Variants in TMCO5A observed in about 807,000 individuals in gnomAD.
TMCO5A encodes the protein transmembrane and coiled-coil domains 5A, also known as transmembrane and coiled-coil domain-containing protein 5A.
A neutral mutation model predicts 42.3 loss-of-function variants in TMCO5A; 34 were observed. The observed-to-expected ratio is 0.80, with a 90% confidence interval of 0.61 to 1.07. TMCO5A has a LOEUF of 1.07. TMCO5A is among the 50% of genes least tolerant of loss of function. TMCO5A has a pLI of 0.00. For synonymous variants in TMCO5A, 131 were observed against 115.6 expected (o/e 1.13, Z -0.86); for missense variants, 357 against 327.9 (o/e 1.09, Z -0.69).
chr15:38,036,414 C>T, the TMCO5A span, among the ~76,000 whole-genome samples: 1 of 151,938 alleles, frequency 6.6e-6, no homozygotes, highest in East Asian at 1.9e-4. Flanking sequence ...CAGCCTACAA[C>T]ATCCTTCTCT....
chr15:37,967,047 T>TA (rs1381494114), exon 12 of TMCO5A: 2 of 190,640 alleles, frequency 1.0e-5, no homozygotes, highest in Non-Finnish European at 2.2e-5. Flanking sequence ...TTATAACTTC[T>TA]AAAGATAGTA....
At chr15:37,982,942 T>C in the TMCO5A span, among the ~76,000 whole-genome samples, 66 of 152,010 alleles carry the variant, frequency 4.3e-4, no homozygotes, top group African/African-American at 1.5e-3. Context: ...TTTCTATTCA[T>C]AGTCCTCTCT....
chr15:38,018,876 G>A, the TMCO5A span, among the ~76,000 whole-genome samples: 22 of 151,762 alleles, frequency 1.4e-4, no homozygotes, highest in African/African-American at 5.1e-4. Flanking sequence ...AAATTAGATG[G>A]GCATGGAACT....
At chr15:37,938,307 A>C in intron 6 of TMCO5A, 78 bp downstream of exon 6, 3 of 1,241,852 alleles carry the variant, frequency 2.4e-6, no homozygotes, top group Non-Finnish European at 3.4e-6. Flanking sequence ...AATCAATGTC[A>C]ACGTTGTGAC....
At chr15:37,993,139 TTC>T in the TMCO5A span, among the ~76,000 whole-genome samples, 1 of 152,186 alleles carries the variant, frequency 6.6e-6, no homozygotes, top group Non-Finnish European at 1.5e-5. Flanking sequence ...TGTTTACTTT[TTC>T]TAGATCTTTT....
chr15:37,954,085 G>GA (rs1295566314), downstream of TMCO5A, among the ~76,000 whole-genome samples: 6 of 151,992 alleles, frequency 3.9e-5, no homozygotes, highest in South Asian at 8.3e-4. Context: ...AACCTCAAAA[G>GA]AAAAAATCTA....
chr15:37,950,605 T>C (rs1339548783), intron 11 of TMCO5A, among the ~76,000 whole-genome samples: 1 of 152,124 alleles, frequency 6.6e-6, no homozygotes, highest in Admixed American at 6.6e-5. Context: ...AAATGCATAT[T>C]GAAGCCATAA....
chr15:38,008,178 A>T, the TMCO5A span, among the ~76,000 whole-genome samples: 1 of 151,400 alleles, frequency 6.6e-6, no homozygotes, highest in African/African-American at 2.4e-5. Context: ...TACAGGCGTG[A>T]GCCACCGTGC....
downstream of TMCO5A, among the ~76,000 whole-genome samples, chr15:37,971,622 T>C (rs554744562): frequency 1.3e-5 from 2 of 152,350 alleles, no homozygotes; most frequent in Non-Finnish European, 2.9e-5. Context: ...TGTTTCCCTT[T>C]TAAAACAATG....
intron 11 of TMCO5A, among the ~76,000 whole-genome samples, chr15:37,950,572 G>T (rs1890122929): frequency 6.6e-6 from 1 of 152,094 alleles, no homozygotes; most frequent in African/African-American, 2.4e-5. Context: ...TATAACAGAT[G>T]TTCGCATCAT....
At chr15:38,001,441 T>G in the TMCO5A span, among the ~76,000 whole-genome samples, 22 of 151,950 alleles carry the variant, frequency 1.4e-4, no homozygotes, top group African/African-American at 5.1e-4. Flanking sequence ...ATCTTGTTTT[T>G]TTTTTTTTTT....
At chr15:37,968,535 T>C, downstream of TMCO5A, among the ~76,000 whole-genome samples, 1 of 152,066 alleles carries the variant, frequency 6.6e-6, no homozygotes, top group African/African-American at 2.4e-5. Context: ...TTTTCTGAGC[T>C]GTTATCAACT....
At chr15:37,945,286 C>T (rs905184837) in intron 10 of TMCO5A, among the ~76,000 whole-genome samples, 5 of 151,984 alleles carry the variant, frequency 3.3e-5, no homozygotes, top group Non-Finnish European at 7.4e-5. Flanking sequence ...TTGATGGGCA[C>T]TTAGGTTGAT....
At chr15:37,982,521 C>CTATATATAATAGATATTATATATTATA in the TMCO5A span, among the ~76,000 whole-genome samples, 9 of 142,402 alleles carry the variant, frequency 6.3e-5, no homozygotes, top group African/African-American at 1.3e-4. Context: ...TATATATTAT[C>CTATATATAATAGATATTATATATTATA]TATATATAAT....
downstream of TMCO5A, among the ~76,000 whole-genome samples, chr15:37,968,675 C>G (rs1890614521): frequency 6.6e-6 from 1 of 151,684 alleles, no homozygotes; most frequent in South Asian, 2.1e-4. Context: ...TTCCACCGCC[C>G]AGGTTCAAAT....
the TMCO5A span, among the ~76,000 whole-genome samples, chr15:38,022,165 T>C: frequency 6.6e-6 from 1 of 152,124 alleles, no homozygotes; most frequent in South Asian, 2.1e-4. Flanking sequence ...TCGTATTTCT[T>C]AGTATTTACC....
the TMCO5A span, among the ~76,000 whole-genome samples, chr15:37,974,777 C>G: frequency 6.6e-6 from 1 of 152,044 alleles, no homozygotes; most frequent in Non-Finnish European, 1.5e-5. Flanking sequence ...TATTTCTTGT[C>G]TTCTGCTAGC....
chr15:37,977,924 C>T, the TMCO5A span, among the ~76,000 whole-genome samples: 36 of 152,274 alleles, frequency 2.4e-4, no homozygotes, highest in African/African-American at 7.9e-4. Flanking sequence ...GGAACTCATG[C>T]GGAAGACAGA....
chr15:38,019,156 A>G, the TMCO5A span, among the ~76,000 whole-genome samples: 20 of 152,176 alleles, frequency 1.3e-4, no homozygotes, highest in Non-Finnish European at 2.6e-4. Flanking sequence ...AACTAAACCA[A>G]TAAAATAGTA....
Sources: gnomAD v4.1 joint callset for allele counts (sites outside exome capture counted in the v4.1 genomes callset) on GRCh38, gnomAD v4.1.1 for gene constraint, MANE v1.5 for transcripts, NCBI Gene and HGNC (gene_info 2026-07-23, HGNC 2026-07-21) for gene names.